The following RANBP2 variants were observed in gnomAD, a reference collection of about 807,000 sequenced individuals.
The protein encoded by RANBP2 is RAN binding protein 2.
In RANBP2, 57 loss-of-function variants were observed where a neutral mutation model predicts 303.6. The ratio of observed to expected loss-of-function variants is 0.19; its 90% CI spans 0.15 to 0.23. The LOEUF is 0.23. Among genes scored for constraint, RANBP2 ranks in the 10% least tolerant of loss-of-function variants. The pLI, the probability that RANBP2 is intolerant of heterozygous loss-of-function variation, is 1.00. For synonymous variants in RANBP2, 1,167 were observed against 1,301.5 expected, an observed-to-expected ratio of 0.90 and a Z score of 2.23; for missense variants, 3,138 against 3,780.8, an observed-to-expected ratio of 0.83 and a Z score of 4.46.
the RANBP2 span, among the ~76,000 whole-genome samples, chr2:109,212,254 A>T: frequency 6.6e-6 from 1 of 152,102 alleles, no homozygotes; most frequent in African/African-American, 2.4e-5. Context: ...CTCCAACTCC[A>T]TGAAATGAGG....
At chr2:108,733,791 T>C (rs1695359238) in intron 4 of RANBP2, among the ~76,000 whole-genome samples, 1 of 152,134 alleles carries the variant, frequency 6.6e-6, no homozygotes, top group Non-Finnish European at 1.5e-5. Context: ...TTTGAAGCAT[T>C]CTTTAAAGAT....
chr2:109,595,102 G>T, the RANBP2 span: 1 of 152,142 alleles, frequency 6.6e-6, no homozygotes, highest in Non-Finnish European at 1.5e-5. Flanking sequence ...GGCCGGGGTG[G>T]TCTCAAACTC....
chr2:109,400,769 G>C, the RANBP2 span, among the ~76,000 whole-genome samples: 1 of 152,204 alleles, frequency 6.6e-6, no homozygotes, highest in Non-Finnish European at 1.5e-5. Flanking sequence ...AATGGGTGCT[G>C]TAGTGTCTGG....
chr2:109,429,856 G>A, the RANBP2 span, among the ~76,000 whole-genome samples: 1 of 152,218 alleles, frequency 6.6e-6, no homozygotes, highest in Non-Finnish European at 1.5e-5. Flanking sequence ...CATGCTCCCA[G>A]GCCACCAAGC....
the RANBP2 span, chr2:109,546,180 C>T: frequency 6.2e-7 from 1 of 1,608,366 alleles, no homozygotes; most frequent in South Asian, 1.1e-5. Flanking sequence ...CTCTTTTCTT[C>T]AAGCTTCATT....
chr2:108,885,843 A>C, the RANBP2 span, among the ~76,000 whole-genome samples: 4 of 152,220 alleles, frequency 2.6e-5, no homozygotes, highest in Non-Finnish European at 4.4e-5. Context: ...GCTTCCACAT[A>C]TAAGTGGAAA....
At chr2:109,096,599 A>G in the RANBP2 span, among the ~76,000 whole-genome samples, 2 of 152,192 alleles carry the variant, frequency 1.3e-5, no homozygotes, top group Non-Finnish European at 2.9e-5. Context: ...ATTAGAATAA[A>G]GGAAAAAAAC....
At chr2:109,520,143 G>A in the RANBP2 span, among the ~76,000 whole-genome samples, 16 of 152,320 alleles carry the variant, frequency 1.1e-4, no homozygotes, top group South Asian at 3.1e-3. Context: ...TGCCATTGGG[G>A]AAAATTTAGT....
chr2:109,642,723 T>C, the RANBP2 span, among the ~76,000 whole-genome samples: 4 of 152,132 alleles, frequency 2.6e-5, no homozygotes, highest in African/African-American at 9.7e-5. Flanking sequence ...ACTTGTGTGT[T>C]ATTGATTACC....
the RANBP2 span, among the ~76,000 whole-genome samples, chr2:109,086,602 A>G: frequency 1.3e-5 from 2 of 152,132 alleles, no homozygotes; most frequent in African/African-American, 4.8e-5. Flanking sequence ...GTCTTCTGCA[A>G]CCTTTGTAAA....
At chr2:109,550,344 G>A in the RANBP2 span, among the ~76,000 whole-genome samples, 67 of 150,192 alleles carry the variant, frequency 4.5e-4, no homozygotes, top group South Asian at 1.5e-3. Context: ...ACGGATTCTC[G>A]CTCTGTTGCC....
the RANBP2 span, among the ~76,000 whole-genome samples, chr2:109,638,265 A>T: frequency 2.6e-5 from 4 of 152,240 alleles, no homozygotes; most frequent in African/African-American, 9.6e-5. Flanking sequence ...TAGGCTTTTC[A>T]AGGATTCCTA....
the RANBP2 span, among the ~76,000 whole-genome samples, chr2:108,917,310 A>G: frequency 6.6e-6 from 1 of 152,164 alleles, no homozygotes; most frequent in African/African-American, 2.4e-5. Context: ...ACAAAAGTCC[A>G]GCCGGGCAGG....
the RANBP2 span, among the ~76,000 whole-genome samples, chr2:109,743,233 T>C: frequency 1.3e-5 from 2 of 148,704 alleles, no homozygotes; most frequent in East Asian, 1.9e-4. Flanking sequence ...ATGGCATCAC[T>C]GCACTACAGC....
At chr2:109,640,660 G>A in the RANBP2 span, among the ~76,000 whole-genome samples, 1,536 of 152,156 alleles carry the variant, frequency 0.01, 67 homozygotes, top group East Asian at 0.13. Flanking sequence ...TCTCAGCTCC[G>A]GACAGTGCCT....
At chr2:109,739,850 G>A in the RANBP2 span, among the ~76,000 whole-genome samples, 1 of 148,982 alleles carries the variant, frequency 6.7e-6, no homozygotes, top group Non-Finnish European at 1.5e-5. Flanking sequence ...AATACTAGCT[G>A]TGAGTCTGTC....
At chr2:109,649,641 G>A in the RANBP2 span, among the ~76,000 whole-genome samples, 10 of 152,142 alleles carry the variant, frequency 6.6e-5, no homozygotes, top group East Asian at 3.9e-4. Context: ...CAGGTGATCC[G>A]CCTTCCTCGG....
chr2:108,980,280 GC>G, the RANBP2 span, among the ~76,000 whole-genome samples: 1,142 of 152,164 alleles, frequency 7.5e-3, 22 homozygotes, highest in African/African-American at 0.025. Flanking sequence ...TCCCAGGGAG[GC>G]CCAGGTGAGT....
the RANBP2 span, among the ~76,000 whole-genome samples, chr2:109,137,315 G>T: frequency 6.6e-6 from 1 of 152,194 alleles, no homozygotes; most frequent in Admixed American, 6.5e-5. Context: ...CTGACTTTGT[G>T]GTGGGGAAAG....
Sources: gnomAD v4.1 joint callset for allele counts (sites outside exome capture counted in the v4.1 genomes callset) on GRCh38, gnomAD v4.1.1 for gene constraint, MANE v1.5 for transcripts, NCBI Gene and HGNC (gene_info 2026-07-23, HGNC 2026-07-21) for gene names.